SLC35D4: variants seen among roughly 807,000 people sequenced by gnomAD.
The protein encoded by SLC35D4 is solute carrier family 35 member D4, also known as UDP-N-acetylglucosamine transporter SLC35D4.
At chr18:23,309,706 C>G in the SLC35D4 span, 2 of 1,614,130 alleles carry the variant, frequency 1.2e-6, no homozygotes, top group Non-Finnish European at 1.7e-6. Context: ...TGGTCAGGAT[C>G]GCATCAAACA....
At chr18:23,323,349 C>T in the SLC35D4 span, among the ~76,000 whole-genome samples, 1 of 152,214 alleles carries the variant, frequency 6.6e-6, no homozygotes, top group Admixed American at 6.5e-5. Flanking sequence ...CAGACCCCGA[C>T]ACTTCCTTAT....
At chr18:23,319,161 G>C in the SLC35D4 span, among the ~76,000 whole-genome samples, 2 of 152,132 alleles carry the variant, frequency 1.3e-5, no homozygotes, top group East Asian at 3.9e-4. Context: ...TAATTTTGAA[G>C]AGGTTGGTAA....
At chr18:23,429,168 A>G in the SLC35D4 span, among the ~76,000 whole-genome samples, 69 of 152,264 alleles carry the variant, frequency 4.5e-4, no homozygotes, top group Middle Eastern at 3.4e-3. Flanking sequence ...GAGTGTAGGT[A>G]TATTTTTGGT....
chr18:23,246,608 G>T, the SLC35D4 span, among the ~76,000 whole-genome samples: 5 of 151,838 alleles, frequency 3.3e-5, no homozygotes, highest in South Asian at 2.1e-4. Flanking sequence ...AGCCAGGATG[G>T]TCTCGATCTC....
At chr18:23,279,844 TAC>T in the SLC35D4 span, among the ~76,000 whole-genome samples, 2 of 152,242 alleles carry the variant, frequency 1.3e-5, no homozygotes, top group East Asian at 1.9e-4. Flanking sequence ...TATACATATA[TAC>T]ACACACATAC....
chr18:23,420,016 G>A, the SLC35D4 span, among the ~76,000 whole-genome samples: 1 of 152,066 alleles, frequency 6.6e-6, no homozygotes, highest in Admixed American at 6.6e-5. Context: ...GGTAAAATAA[G>A]GGAATCGCCG....
chr18:23,391,444 C>T, the SLC35D4 span, among the ~76,000 whole-genome samples: 2 of 152,094 alleles, frequency 1.3e-5, no homozygotes, highest in South Asian at 2.1e-4. Context: ...TTATTAAAGA[C>T]CTGCCTCACT....
At chr18:23,271,521 A>G in the SLC35D4 span, among the ~76,000 whole-genome samples, 1,350 of 152,290 alleles carry the variant, frequency 8.9e-3, 7 homozygotes, top group Admixed American at 0.019. Flanking sequence ...TTTGGTCTTT[A>G]TCCCTGAGCA....
the SLC35D4 span, among the ~76,000 whole-genome samples, chr18:23,402,138 G>T: frequency 1.3e-5 from 2 of 152,234 alleles, no homozygotes; most frequent in Non-Finnish European, 2.9e-5. Flanking sequence ...CATGCTGTCA[G>T]TGTGACGGCT....
At chr18:23,279,479 C>G in the SLC35D4 span, among the ~76,000 whole-genome samples, 1 of 152,132 alleles carries the variant, frequency 6.6e-6, no homozygotes, top group Admixed American at 6.5e-5. Context: ...AGTCCTAACT[C>G]CCAGTACCTC....
the SLC35D4 span, among the ~76,000 whole-genome samples, chr18:23,384,480 T>C: frequency 6.6e-6 from 1 of 152,196 alleles, no homozygotes; most frequent in Non-Finnish European, 1.5e-5. Flanking sequence ...TTAACAGTGA[T>C]AGTTGCTGTG....
At chr18:23,297,644 G>A in the SLC35D4 span, 2 of 234,568 alleles carry the variant, frequency 8.5e-6, no homozygotes, top group Non-Finnish European at 8.4e-6. Flanking sequence ...GCATCCAGAG[G>A]TGTGAAGCTC....
chr18:23,244,078 G>A, the SLC35D4 span, among the ~76,000 whole-genome samples: 4 of 152,122 alleles, frequency 2.6e-5, no homozygotes, highest in East Asian at 1.9e-4. Context: ...TGAACATGAC[G>A]TTCCACGCAG....
At chr18:23,377,636 G>C in the SLC35D4 span, 1 of 1,576,838 alleles carries the variant, frequency 6.3e-7, no homozygotes, top group Non-Finnish European at 8.6e-7. Context: ...GGGGAGGGCA[G>C]TAAACTTACC....
the SLC35D4 span, among the ~76,000 whole-genome samples, chr18:23,372,096 C>G: frequency 1.3e-5 from 2 of 148,406 alleles, no homozygotes; most frequent in African/African-American, 5.0e-5. Flanking sequence ...CCACTACGCC[C>G]GGCTAATTTT....
chr18:23,242,013 C>T, the SLC35D4 span, among the ~76,000 whole-genome samples: 3 of 152,164 alleles, frequency 2.0e-5, no homozygotes, highest in Non-Finnish European at 2.9e-5. Flanking sequence ...CAGTGGCTCA[C>T]GCCTGTAATC....
the SLC35D4 span, among the ~76,000 whole-genome samples, chr18:23,292,748 A>T: frequency 6.6e-6 from 1 of 152,194 alleles, no homozygotes; most frequent in Non-Finnish European, 1.5e-5. Context: ...GGTAAAATGA[A>T]GAGAATGTCC....
the SLC35D4 span, among the ~76,000 whole-genome samples, chr18:23,243,469 T>G: frequency 1.1e-5 from 1 of 92,608 alleles, no homozygotes; most frequent in African/African-American, 4.3e-5. Context: ...GGGTTTGGTG[T>G]TTTTTTTTTT....
the SLC35D4 span, among the ~76,000 whole-genome samples, chr18:23,264,353 CTTTTTTTTTTT>C: frequency 7.1e-5 from 4 of 56,098 alleles, no homozygotes; most frequent in East Asian, 6.7e-4. Context: ...CACTTTATTC[CTTTTTTTTTTT>C]TTTTTTTTTT....
Sources: allele counts gnomAD v4.1 joint callset (sites outside exome capture counted in the v4.1 genomes callset), GRCh38; gene constraint gnomAD v4.1.1; transcripts MANE v1.5; gene names NCBI Gene and HGNC (gene_info 2026-07-23, HGNC 2026-07-21).